SFTPD: variants seen among roughly 807,000 people sequenced by gnomAD.
SFTPD encodes pulmonary surfactant-associated protein D.
In SFTPD, 18 loss-of-function variants were observed where a neutral mutation model predicts 34.6. The observed-to-expected ratio is 0.52, with a 90% CI of 0.36 to 0.77. The LOEUF (loss-of-function observed/expected upper bound fraction) is 0.77. Ranked by LOEUF, SFTPD falls within the 30% of genes least tolerant of loss-of-function variation. The pLI, the probability that SFTPD is intolerant of heterozygous loss-of-function variation, is 0.00. For synonymous variants in SFTPD, 155 were observed against 180.9 expected (o/e 0.86, Z 1.15); for missense variants, 433 against 468.9 (o/e 0.92, Z 0.71).
intron 1 of SFTPD, among the ~76,000 whole-genome samples, chr10:79,982,365 G>T (rs936758965): frequency 2.6e-5 from 4 of 151,732 alleles, no homozygotes; most frequent in African/African-American, 9.7e-5. Context: ...GCAGCCCCGC[G>T]CAGCCGCTCC....
chr10:79,973,838 T>C (rs540660467), intron 1 of SFTPD, among the ~76,000 whole-genome samples: 1 of 152,252 alleles, frequency 6.6e-6, no homozygotes, highest in South Asian at 2.1e-4. Context: ...TGTCATGCAG[T>C]GAACTTCTTG....
chr10:79,948,903 C>A (rs547429776), intron 1 of SFTPD, among the ~76,000 whole-genome samples, 163 bp downstream of exon 1: 28 of 152,306 alleles, frequency 1.8e-4, no homozygotes, highest in African/African-American at 6.7e-4. Context: ...GGCAGAAGAG[C>A]ACCATAAGAC....
At chr10:79,978,625 C>G (rs1022226734) in intron 1 of SFTPD, among the ~76,000 whole-genome samples, 1 of 132,168 alleles carries the variant, frequency 7.6e-6, no homozygotes, top group African/African-American at 2.9e-5. Flanking sequence ...GCACTCTAGC[C>G]TGGGCAGCAG....
At chr10:79,965,256 C>T (rs1164701829) in intron 1 of SFTPD, among the ~76,000 whole-genome samples, 3 of 152,138 alleles carry the variant, frequency 2.0e-5, no homozygotes, top group Admixed American at 6.5e-5. Flanking sequence ...TTTTCTCCTT[C>T]TCTTATTCGG....
rs146974226 is a variant in SFTPD at position 79,955,074 on chromosome 10, G to A, written c.37-8412C>T. On this transcript the variant is annotated intron_variant, in intron 1 of 5. Coordinates refer to the SFTPD transcript ENST00000444384. ...TGGGCCTCCAGAGCTTGGGGCCTTC[G>A]CAGCCTCCATACTAGCAGTGGTCCC... Among the ~76,000 whole-genome samples the A allele has an allele frequency of 1.1e-3, 163 of 152,172 alleles. No homozygotes were observed. The Middle Eastern group carries it at 0.014, about 13-fold the overall frequency.
intron 1 of SFTPD, among the ~76,000 whole-genome samples, chr10:79,957,660 A>C (rs1230463296): frequency 1.3e-5 from 2 of 152,240 alleles, no homozygotes; most frequent in Non-Finnish European, 2.9e-5. Context: ...TGAAAAGACC[A>C]AATCTATGTC....
intron 1 of SFTPD, among the ~76,000 whole-genome samples, 186 bp downstream of exon 1, chr10:79,948,880 C>A (rs1052611859): frequency 2.6e-5 from 4 of 152,188 alleles, no homozygotes; most frequent in African/African-American, 9.7e-5. Flanking sequence ...TGGGCTGAGG[C>A]CACTGAATAA....
chr10:79,958,118 C>T (rs1185921438), intron 1 of SFTPD, among the ~76,000 whole-genome samples: 2 of 152,122 alleles, frequency 1.3e-5, no homozygotes, highest in Non-Finnish European at 1.5e-5. Context: ...TTTGTCAACA[C>T]CAGGCCTGCC....
chr10:79,973,902 G>A (rs1842849503), intron 1 of SFTPD, among the ~76,000 whole-genome samples: 1 of 152,130 alleles, frequency 6.6e-6, no homozygotes, highest in Non-Finnish European at 1.5e-5. Flanking sequence ...TGTATGCAGA[G>A]CACAAGTGCC....
intron 7 of SFTPD, among the ~76,000 whole-genome samples, chr10:79,939,068 T>C (rs1371096118): frequency 6.6e-6 from 1 of 151,842 alleles, no homozygotes; most frequent in Non-Finnish European, 1.5e-5. Context: ...ATCTCTAAAA[T>C]GAGGGCTCAC....
chr10:79,944,242 G>A (rs754660882), intron 2 of SFTPD, among the ~76,000 whole-genome samples: 1 of 152,168 alleles, frequency 6.6e-6, no homozygotes, highest in Non-Finnish European at 1.5e-5. Context: ...CCTAAATACT[G>A]GGGATAAACA....
upstream of SFTPD, chr10:79,949,913 C>T (rs1211563813): frequency 1.3e-5 from 2 of 150,284 alleles, no homozygotes; most frequent in Non-Finnish European, 2.9e-5. Flanking sequence ...TGCCATAATG[C>T]ATTTATAGCT....
At chr10:79,954,031 CTTTGTTATACTTCTAAT>C (rs1589338513), upstream of SFTPD, among the ~76,000 whole-genome samples, 1 of 149,630 alleles carries the variant, frequency 6.7e-6, no homozygotes, top group East Asian at 2.0e-4. Flanking sequence ...GTTTTTATTT[CTTTGTTATACTTCTAAT>C]TTTGTTTATG....
At chr10:79,939,581 A>G (rs1484702174) in intron 7 of SFTPD, among the ~76,000 whole-genome samples, 2 of 151,520 alleles carry the variant, frequency 1.3e-5, no homozygotes, top group Non-Finnish European at 2.9e-5. Flanking sequence ...GGAGTGAGTG[A>G]TGGTGTTTAA....
chr10:79,949,178 T>A (rs1016048013), upstream of SFTPD: 1 of 152,158 alleles, frequency 6.6e-6, no homozygotes, highest in African/African-American at 2.4e-5. Context: ...AAAAACTCCC[T>A]TCAAGAAGTG....
intron 1 of SFTPD, among the ~76,000 whole-genome samples, chr10:79,962,250 C>G (rs1170918784): frequency 6.6e-6 from 1 of 151,162 alleles, no homozygotes; most frequent in Non-Finnish European, 1.5e-5. Flanking sequence ...ACATATGTAA[C>G]AAACCTGCAC....
upstream of SFTPD, among the ~76,000 whole-genome samples, chr10:79,952,225 G>A (rs1421566098): frequency 2.0e-5 from 3 of 152,244 alleles, no homozygotes; most frequent in Non-Finnish European, 2.9e-5. Flanking sequence ...TCTGCCCTTC[G>A]TGCAAGGCTT....
At chr10:79,963,807 G>A (rs1198473191) in intron 1 of SFTPD, among the ~76,000 whole-genome samples, 1 of 152,068 alleles carries the variant, frequency 6.6e-6, no homozygotes. Context: ...TAGGATAGTG[G>A]CCTCCAGTTG....
chr10:79,946,648 G>A lies in SFTPD; in HGVS notation c.12C>T (p.Phe4=), dbSNP rs773088423. 1 of 1,614,144 alleles carries A rather than the reference G, an allele frequency of 6.2e-7. No homozygotes were observed. The highest frequency in any genetic ancestry group is 1.1e-5 in the South Asian group (1 of 91,058). Residue 4 remains phenylalanine, a synonymous_variant, in exon 2 of 8, where the codon TTC becomes TTT. Coordinates refer to ENST00000372292, the MANE Select transcript of SFTPD (RefSeq NM_003019.5). ...TGAGCAGGACCAGTGCAGAGAGGAGGAAGAGCAGCATGGCCTGGAGAGGTG... is the reference window on the plus strand; with the variant it reads ...TGAGCAGGACCAGTGCAGAGAGGAGAAAGAGCAGCATGGCCTGGAGAGGTG... MLL[F]LLSALVLLTQ...
Sources: allele counts gnomAD v4.1 joint callset (sites outside exome capture counted in the v4.1 genomes callset), GRCh38; gene constraint gnomAD v4.1.1; transcripts MANE v1.5; gene names NCBI Gene and HGNC (gene_info 2026-07-23, HGNC 2026-07-21).